The following CALN1 variants were observed in gnomAD, a reference collection of about 807,000 sequenced individuals.
CALN1 encodes the protein calcium-binding protein 8.
A neutral mutation model predicts 30.6 loss-of-function variants in CALN1; 17 were observed. The ratio of observed to expected loss-of-function variants is 0.56; its 90% CI spans 0.38 to 0.83. The LOEUF is 0.83. Among genes scored for constraint, CALN1 ranks in the 40% least tolerant of loss-of-function variants. CALN1 has a pLI of 0.00. For synonymous variants in CALN1, 156 were observed against 131.4 expected, an observed-to-expected ratio of 1.19 and a Z score of -1.28; for missense variants, 291 against 354.9, an observed-to-expected ratio of 0.82 and a Z score of 1.45.
At chr7:72,207,945 C>A (rs530173680) in intron 3 of CALN1, among the ~76,000 whole-genome samples, 4 of 152,180 alleles carry the variant, frequency 2.6e-5, no homozygotes, top group African/African-American at 9.6e-5. Context: ...AACTTTTTTA[C>A]AAAATCTCTG....
chr7:72,132,277 T>C (rs906417832), intron 3 of CALN1, among the ~76,000 whole-genome samples: 11 of 152,160 alleles, frequency 7.2e-5, no homozygotes, highest in Admixed American at 4.6e-4. Context: ...CAGCCTACCA[T>C]TGGGCAAAAC....
chr7:71,944,186 C>G (rs1351326794), intron 5 of CALN1, among the ~76,000 whole-genome samples: 1 of 152,158 alleles, frequency 6.6e-6, no homozygotes, highest in African/African-American at 2.4e-5. Context: ...GTGGCTCAAG[C>G]CTGTAATCCG....
intron 2 of CALN1, among the ~76,000 whole-genome samples, chr7:72,322,321 C>T (rs1313281317): frequency 6.6e-6 from 1 of 152,130 alleles, no homozygotes; most frequent in Non-Finnish European, 1.5e-5. Flanking sequence ...CTCAGGTTTA[C>T]GGTAATGTAA....
chr7:72,052,758 A>G (rs2129536172), intron 4 of CALN1, among the ~76,000 whole-genome samples: 1 of 152,336 alleles, frequency 6.6e-6, no homozygotes, highest in Non-Finnish European at 1.5e-5. Context: ...CTCAGTGACC[A>G]GAGACAGGGT....
the CALN1 span, among the ~76,000 whole-genome samples, chr7:72,483,262 T>TGG: frequency 3.2e-3 from 470 of 147,684 alleles, 7 homozygotes; most frequent in African/African-American, 0.011. Flanking sequence ...TGGTTTGGTT[T>TGG]TTTTCCTTTT....
intron 2 of CALN1, among the ~76,000 whole-genome samples, chr7:72,349,781 G>A (rs1420393909): frequency 2.6e-5 from 4 of 152,068 alleles, no homozygotes; most frequent in African/African-American, 9.7e-5. Context: ...ACTTTGTTAT[G>A]GGGTTGTCTG....
chr7:72,320,908 T>A (rs552321923), intron 2 of CALN1, among the ~76,000 whole-genome samples: 4 of 150,874 alleles, frequency 2.7e-5, no homozygotes, highest in Middle Eastern at 6.9e-3. Flanking sequence ...GCTTTTGAAG[T>A]CATGAGTCCA....
chr7:72,272,668 C>T (rs1311773142), intron 3 of CALN1, among the ~76,000 whole-genome samples: 1 of 152,174 alleles, frequency 6.6e-6, no homozygotes, highest in East Asian at 1.9e-4. Context: ...ATTGGAGAGA[C>T]ACAATTTCCA....
intron 5 of CALN1, among the ~76,000 whole-genome samples, chr7:71,871,566 G>A (rs1444890485): frequency 1.3e-5 from 2 of 152,036 alleles, no homozygotes; most frequent in African/African-American, 2.4e-5. Flanking sequence ...TTGTACAACC[G>A]AGTAAGACCC....
In CALN1 at chr7:72,307,048, T is replaced by C. The variant is rs138069846; in HGVS notation, c.120-28238A>G. On this transcript the variant is annotated intron_variant, in intron 2 of 6. Coordinates refer to ENST00000395275, the MANE Select transcript of CALN1 (RefSeq NM_031468.4). ...CTAACTAGGTCGACAGCAAATATGA[T>C]TGAAGACAGACAAAGTCAGGCAGGG... Among the ~76,000 whole-genome samples the C allele has an allele frequency of 4.7e-3, 718 of 152,330 alleles. 6 individuals are homozygous for C. Among genetic ancestry groups the C allele is most frequent in the African/African-American group, 0.016 (653 of 41,574 alleles).
chr7:71,865,961 A>C (rs186460443), intron 5 of CALN1, among the ~76,000 whole-genome samples: 2 of 152,258 alleles, frequency 1.3e-5, no homozygotes, highest in Non-Finnish European at 2.9e-5. Context: ...GTATACGAAT[A>C]GCAGCTTTCT....
intron 6 of CALN1, among the ~76,000 whole-genome samples, chr7:71,806,302 C>T (rs867840021): frequency 1.8e-5 from 2 of 109,384 alleles, no homozygotes; most frequent in East Asian, 6.9e-4. Flanking sequence ...ATAGTTTCCC[C>T]CTCCTTTTTT....
At chr7:72,290,689 A>AT (rs1444327108) in intron 2 of CALN1, among the ~76,000 whole-genome samples, 1 of 152,076 alleles carries the variant, frequency 6.6e-6, no homozygotes, top group Non-Finnish European at 1.5e-5. Flanking sequence ...AATTGTTCAC[A>AT]TTTTTACCTC....
chr7:72,320,068 C>T (rs553020225), intron 2 of CALN1, among the ~76,000 whole-genome samples: 1 of 152,116 alleles, frequency 6.6e-6, no homozygotes, highest in East Asian at 1.9e-4. Context: ...CTGCAGTGAG[C>T]TGAGATCGTG....
At chr7:72,483,280 C>CT in the CALN1 span, among the ~76,000 whole-genome samples, 813 of 100,012 alleles carry the variant, frequency 8.1e-3, 7 homozygotes, top group South Asian at 0.013. Context: ...TTTTCTTTTT[C>CT]TTTTTTTTTT....
chr7:71,991,098 T>C (rs752519824), intron 5 of CALN1, among the ~76,000 whole-genome samples: 2 of 151,916 alleles, frequency 1.3e-5, no homozygotes, highest in Non-Finnish European at 2.9e-5. Flanking sequence ...AAGAATTCGA[T>C]GTGTTGCACA....
chr7:71,931,455 C>A, intron 5 of CALN1, among the ~76,000 whole-genome samples: 1 of 151,454 alleles, frequency 6.6e-6, no homozygotes, highest in East Asian at 2.0e-4. Context: ...TTAGTAGAGA[C>A]GGGGTTTCAC....
At chr7:71,832,796 G>T (rs943689767) in intron 5 of CALN1, among the ~76,000 whole-genome samples, 1 of 151,498 alleles carries the variant, frequency 6.6e-6, no homozygotes, top group South Asian at 2.1e-4. Flanking sequence ...GGTAAAGAAG[G>T]GGTTTCGCCA....
intron 2 of CALN1, among the ~76,000 whole-genome samples, chr7:72,356,439 G>C (rs1176457565): frequency 6.6e-6 from 1 of 151,954 alleles, no homozygotes. Context: ...TGCAACTTTA[G>C]ATACAACTTG....
Sources: gnomAD v4.1 joint callset for allele counts (sites outside exome capture counted in the v4.1 genomes callset) on GRCh38, gnomAD v4.1.1 for gene constraint, MANE v1.5 for transcripts, NCBI Gene and HGNC (gene_info 2026-07-23, HGNC 2026-07-21) for gene names.